The following UBAP2 variants were observed in gnomAD, a reference collection of about 807,000 sequenced individuals.
UBAP2 encodes ubiquitin-associated protein 2.
In UBAP2, 75 loss-of-function variants were observed where a neutral mutation model predicts 139.6. That is an observed-to-expected ratio of 0.54 (90% CI 0.45 to 0.65). The LOEUF (loss-of-function observed/expected upper bound fraction) is 0.65. UBAP2 is among the 30% of genes least tolerant of loss of function. The pLI, the probability that UBAP2 is intolerant of heterozygous loss-of-function variation, is 0.00. For synonymous variants in UBAP2, 526 were observed against 526.2 expected (o/e 1.00, Z 0.01); for missense variants, 1,368 against 1,369.6 (o/e 1.00, Z 0.02).
At chr9:34,003,488 C>T (rs1349366204) in intron 2 of UBAP2, among the ~76,000 whole-genome samples, 2 of 151,468 alleles carry the variant, frequency 1.3e-5, no homozygotes, top group African/African-American at 4.9e-5. Context: ...TCTCTGCAAC[C>T]TCCGCTTCCC....
At chr9:33,999,947 GTATT>G (rs780691716) in intron 2 of UBAP2, among the ~76,000 whole-genome samples, 1 of 151,228 alleles carries the variant, frequency 6.6e-6, no homozygotes. Context: ...CCAGGCTGGA[GTATT>G]TATTTATTTA....
chr9:33,974,872 G>A (rs1018109424), intron 6 of UBAP2, among the ~76,000 whole-genome samples: 11 of 148,076 alleles, frequency 7.4e-5, no homozygotes, highest in African/African-American at 1.5e-4. Flanking sequence ...CCCAGGGGGC[G>A]GAGGCTACAG....
At chr9:34,046,949 C>G (rs1660859993) in intron 1 of UBAP2, among the ~76,000 whole-genome samples, 1 of 152,038 alleles carries the variant, frequency 6.6e-6, no homozygotes, top group African/African-American at 2.4e-5. Flanking sequence ...TATTGTTGTT[C>G]CAATATAGTT....
intron 2 of UBAP2, among the ~76,000 whole-genome samples, chr9:34,001,594 T>G (rs1020658175): frequency 6.6e-6 from 1 of 152,234 alleles, no homozygotes; most frequent in African/African-American, 2.4e-5. Context: ...TTTTTTACCG[T>G]AACCCTTGGT....
At chr9:34,016,329 G>A (rs1237823258) in intron 2 of UBAP2, among the ~76,000 whole-genome samples, 3 of 130,140 alleles carry the variant, frequency 2.3e-5, no homozygotes, top group Non-Finnish European at 4.9e-5. Context: ...AGGAGGAAGA[G>A]GAGGAGGAGG....
At chr9:33,960,708 A>G in intron 10 of UBAP2, 118 bp downstream of exon 10, 1 of 889,718 alleles carries the variant, frequency 1.1e-6, no homozygotes, top group Non-Finnish European at 1.8e-6. Flanking sequence ...TGAATCTGGG[A>G]GGCAGAGGTT....
rs546122889 is a variant in UBAP2 at position 33,960,871 on chromosome 9, C to A, written c.753G>T (p.Trp251Cys). Residue 251 changes from tryptophan to cysteine, a missense_variant, in exon 10 of 29, where the codon TGG (tryptophan) becomes TGT (cysteine). By Grantham distance (215) the Trp-to-Cys change is radical. Coordinates refer to ENST00000379238, the MANE Select transcript of UBAP2 (RefSeq NM_001370062.2). ...NKSSYGLKGAWKNSVEEWTTE... is the reference protein window; with the variant it reads ...NKSSYGLKGACKNSVEEWTTE... ...TTGTCCACTCTTCCACAGAATTCTT[C>A]CAAGCCCCTGTTGGGAAACAACAGC... 1.1e-5 allele frequency: 17 copies of A among 1,613,858 alleles called. No homozygotes were observed. Among genetic ancestry groups the A allele is most frequent in the Admixed American group, 1.7e-5 (1 of 59,990 alleles).
intron 19 of UBAP2, among the ~76,000 whole-genome samples, chr9:33,929,156 C>G (rs1026236206): frequency 2.6e-5 from 4 of 152,222 alleles, no homozygotes; most frequent in Non-Finnish European, 5.9e-5. Flanking sequence ...TCCCCACCAA[C>G]TGCCACAGAA....
At position 33,922,112 on chromosome 9, in the gene UBAP2, C is replaced by G. The variant is rs557062513; in HGVS notation, c.*392G>C. 5.3e-6 allele frequency: 1 copy of G among 188,330 alleles called. No homozygotes were observed. Among genetic ancestry groups the G allele is most frequent in the East Asian group, 1.6e-4 (1 of 6,402 alleles). 11.7% of individuals were successfully genotyped at this position (188,330 alleles called of 1,614,324 possible). ...ACAAGTCGTGATTCTTCATTGGTACCTGACCCCTATACCCAAACAGCCTTG... is the reference window on the plus strand; with the variant it reads ...ACAAGTCGTGATTCTTCATTGGTACGTGACCCCTATACCCAAACAGCCTTG... On this transcript the variant is annotated 3_prime_UTR_variant, in exon 29 of 29. Transcript: ENST00000379238.
chr9:33,958,702 C>CG (rs1348851056), intron 10 of UBAP2, among the ~76,000 whole-genome samples: 2 of 140,634 alleles, frequency 1.4e-5, no homozygotes, highest in African/African-American at 5.4e-5. Context: ...CCACTGTGCC[C>CG]GGCCTTTTTT....
rs536150583 is a variant in UBAP2 at position 34,031,939 on chromosome 9, C to T, written c.-41-14750G>A. On this transcript the variant is annotated intron_variant, in intron 1 of 28. Coordinates refer to ENST00000379238, the MANE Select transcript of UBAP2 (RefSeq NM_001370062.2). The stretch of plus-strand genomic sequence containing the variant: ...ACTTCTTGAGCCCAGGAGTTTGAGA[C>T]CAGCCTGGGTAACATAGCAAGACCT... Among the ~76,000 whole-genome samples the T allele has an allele frequency of 5.9e-5, 9 of 152,146 alleles. No homozygotes were observed. The East Asian group carries it at 1.7e-3, about 29-fold the overall frequency.
chr9:33,932,680 T>C, intron 18 of UBAP2, 52 bp from the exon 19 acceptor site: 2 of 1,603,824 alleles, frequency 1.2e-6, no homozygotes, highest in Non-Finnish European at 1.7e-6. Flanking sequence ...TGACTCCAGA[T>C]GAACAAGACG....
chr9:33,955,237 T>C (rs773716803), intron 11 of UBAP2, among the ~76,000 whole-genome samples: 6 of 151,034 alleles, frequency 4.0e-5, no homozygotes, highest in Non-Finnish European at 7.4e-5. Flanking sequence ...TAAAAAAGTT[T>C]AGGCCAGGCG....
rs1362328689 is a variant in UBAP2 at position 33,978,018 on chromosome 9, A to T, written c.521-4781T>A. ...CGACAGAGCGAGACTCTGTCTTTTA[A>T]AAAAAAAAAAAAAAAAAAGACTGAT... On this transcript the variant is annotated intron_variant, in intron 6 of 28. Coordinates refer to ENST00000379238, the MANE Select transcript of UBAP2 (RefSeq NM_001370062.2). Among the ~76,000 whole-genome samples the T allele has an allele frequency of 9.3e-4, 130 of 139,482 alleles. 1 individual carries two copies. The highest frequency in any genetic ancestry group is 3.8e-3 in the Middle Eastern group (1 of 266). The allele number at this position is 139,482 out of a possible 152,430, so 91.5% of individuals were successfully genotyped here.
chr9:33,984,313 G>A (rs761001015), intron 6 of UBAP2, among the ~76,000 whole-genome samples: 5 of 151,980 alleles, frequency 3.3e-5, no homozygotes, highest in Non-Finnish European at 5.9e-5. Flanking sequence ...CTAATATTCA[G>A]ACAATACAAG....
intron 16 of UBAP2, among the ~76,000 whole-genome samples, chr9:33,937,755 C>CA (rs34776998): frequency 0.28 from 28,821 of 103,520 alleles, 3,268 homozygotes; most frequent in Non-Finnish European, 0.32. Flanking sequence ...TTAAAAAATA[C>CA]AAAAAAAAAA....
chr9:34,005,777 A>G (rs1328258506), intron 2 of UBAP2, among the ~76,000 whole-genome samples: 1 of 152,240 alleles, frequency 6.6e-6, no homozygotes. Flanking sequence ...CCTCCAAAGA[A>G]TAAAAATACA....
intron 15 of UBAP2, among the ~76,000 whole-genome samples, chr9:33,942,641 G>A (rs1400432775): frequency 1.3e-5 from 2 of 150,800 alleles, no homozygotes; most frequent in African/African-American, 4.9e-5. Context: ...GAGGCAGGAG[G>A]ATCATTTGAG....
At chr9:33,999,546 TATC>T (rs1050668779) in intron 2 of UBAP2, among the ~76,000 whole-genome samples, 1 of 152,108 alleles carries the variant, frequency 6.6e-6, no homozygotes, top group African/African-American at 2.4e-5. Context: ...AAAGTTACAT[TATC>T]TTTTTTATAC....
Sources: gnomAD v4.1 joint callset for allele counts (sites outside exome capture counted in the v4.1 genomes callset) on GRCh38, gnomAD v4.1.1 for gene constraint, MANE v1.5 for transcripts, NCBI Gene and HGNC (gene_info 2026-07-23, HGNC 2026-07-21) for gene names.